The following FCHSD2 variants were observed in gnomAD, a reference collection of about 807,000 sequenced individuals.
The protein encoded by FCHSD2 is FCH and double SH3 domains 2.
A neutral mutation model predicts 108.1 loss-of-function variants in FCHSD2; 38 were observed. The ratio of observed to expected loss-of-function variants is 0.35; its 90% CI spans 0.27 to 0.46. The LOEUF (loss-of-function observed/expected upper bound fraction) is 0.46. Ranked by LOEUF, FCHSD2 falls within the 20% of genes least tolerant of loss-of-function variation. The pLI is 1.00. For missense variants in FCHSD2, 751 were observed against 897.8 expected (o/e 0.84, Z 2.09); for synonymous variants, 279 against 314.7 (o/e 0.89, Z 1.20).
At chr11:73,137,177 A>G (rs1302766962) in intron 2 of FCHSD2, among the ~76,000 whole-genome samples, 1 of 152,114 alleles carries the variant, frequency 6.6e-6, no homozygotes, top group Non-Finnish European at 1.5e-5. Flanking sequence ...GCAAGTTTCA[A>G]CTTTTTCAAT....
At chr11:72,939,609 C>CTTTTTTT (rs1194333407) in intron 8 of FCHSD2, among the ~76,000 whole-genome samples, 3 of 65,466 alleles carry the variant, frequency 4.6e-5, no homozygotes, top group Non-Finnish European at 5.6e-5. Context: ...CTTTCTTTTC[C>CTTTTTTT]TTTTTTTTTT....
chr11:72,925,459 G>C (rs1402445523), intron 8 of FCHSD2, among the ~76,000 whole-genome samples: 2 of 152,158 alleles, frequency 1.3e-5, no homozygotes, highest in Non-Finnish European at 2.9e-5. Context: ...CCAGGAGTTT[G>C]AATCTGCAGT....
intron 8 of FCHSD2, among the ~76,000 whole-genome samples, chr11:72,956,235 A>G (rs1375492008): frequency 6.6e-6 from 1 of 152,260 alleles, no homozygotes; most frequent in African/African-American, 2.4e-5. Flanking sequence ...CATAAATGGC[A>G]GAGAATAGAA....
chr11:73,102,176 C>T (rs924966838), intron 2 of FCHSD2, among the ~76,000 whole-genome samples: 15 of 151,898 alleles, frequency 9.9e-5, no homozygotes, highest in South Asian at 2.1e-4. Flanking sequence ...AAATGAGATA[C>T]CACTGAACAC....
At chr11:73,073,722 C>A (rs1565397296) in intron 3 of FCHSD2, among the ~76,000 whole-genome samples, 1 of 152,142 alleles carries the variant, frequency 6.6e-6, no homozygotes, top group Non-Finnish European at 1.5e-5. Context: ...AAAAGTCATT[C>A]TTTTCCAGTT....
At chr11:73,133,869 G>A (rs1188449364) in intron 2 of FCHSD2, among the ~76,000 whole-genome samples, 1 of 150,022 alleles carries the variant, frequency 6.7e-6, no homozygotes, top group Non-Finnish European at 1.5e-5. Context: ...TATAGAGACA[G>A]AAAGTAGATA....
chr11:72,912,377 C>CT (rs1855782257), intron 9 of FCHSD2, among the ~76,000 whole-genome samples: 1 of 152,264 alleles, frequency 6.6e-6, no homozygotes, highest in East Asian at 1.9e-4. Flanking sequence ...TTATCAAATG[C>CT]TTTTTCAGTA....
At chr11:72,846,820 C>G (rs556180687) in intron 14 of FCHSD2, among the ~76,000 whole-genome samples, 1 of 152,054 alleles carries the variant, frequency 6.6e-6, no homozygotes, top group African/African-American at 2.4e-5. Flanking sequence ...TGAGCTCTTA[C>G]GGTACATACA....
chr11:73,101,315 T>C (rs1860219472), intron 2 of FCHSD2, among the ~76,000 whole-genome samples: 1 of 152,198 alleles, frequency 6.6e-6, no homozygotes, highest in Non-Finnish European at 1.5e-5. Flanking sequence ...ATCTGTAGAA[T>C]GTTAAGGTTA....
chr11:72,958,595 A>T (rs747655994), intron 8 of FCHSD2, among the ~76,000 whole-genome samples: 24 of 152,164 alleles, frequency 1.6e-4, no homozygotes, highest in Non-Finnish European at 2.9e-4. Flanking sequence ...ACAAAATCTA[A>T]TAAGTGAGTA....
chr11:72,928,217 G>T (rs1274879758), intron 8 of FCHSD2, among the ~76,000 whole-genome samples: 1 of 151,042 alleles, frequency 6.6e-6, no homozygotes, highest in Non-Finnish European at 1.5e-5. Flanking sequence ...AAAGCATAAA[G>T]AAAACCTGAA....
rs188908941 is a variant in FCHSD2, at chr11:73,066,828, A to G, written c.165+16867T>C. ...GAATGGCGATCATTAAAAAGTCAGGAAACAACAGATGCTGGAGAGGATGTG... is the reference window on the plus strand; with the variant it reads ...GAATGGCGATCATTAAAAAGTCAGGGAACAACAGATGCTGGAGAGGATGTG... On this transcript the variant is annotated intron_variant, in intron 3 of 19. Coordinates refer to ENST00000409418, the MANE Select transcript of FCHSD2 (RefSeq NM_014824.3). 2.3e-3 allele frequency among the ~76,000 whole-genome samples: 351 copies of G among 152,286 alleles called. 1 individual carries two copies. The highest frequency in any genetic ancestry group is 8.1e-3 in the African/African-American group (337 of 41,550).
chr11:72,878,230 G>C (rs1027909106), intron 12 of FCHSD2, among the ~76,000 whole-genome samples: 1 of 152,142 alleles, frequency 6.6e-6, no homozygotes, highest in Non-Finnish European at 1.5e-5. Flanking sequence ...AGTACACTAT[G>C]ATTGTGCCTG....
intron 3 of FCHSD2, among the ~76,000 whole-genome samples, chr11:73,075,796 G>GAA (rs567899906): frequency 7.1e-6 from 1 of 141,578 alleles, no homozygotes; most frequent in South Asian, 2.2e-4. Context: ...TGTCTCAAAA[G>GAA]AAAAAAAAAA....
At chr11:73,088,009 AG>A (rs1859864043) in intron 2 of FCHSD2, among the ~76,000 whole-genome samples, 1 of 152,144 alleles carries the variant, frequency 6.6e-6, no homozygotes. Context: ...CCTCTTAAAT[AG>A]CTAGGACTAC....
chr11:72,932,010 TA>T, intron 8 of FCHSD2, among the ~76,000 whole-genome samples: 1 of 152,346 alleles, frequency 6.6e-6, no homozygotes, highest in Non-Finnish European at 1.5e-5. Flanking sequence ...AATTGCCTCT[TA>T]GACTGAATCA....
At chr11:72,987,613 T>G (rs976879697) in intron 6 of FCHSD2, among the ~76,000 whole-genome samples, 7 of 152,296 alleles carry the variant, frequency 4.6e-5, no homozygotes, top group African/African-American at 1.7e-4. Context: ...CCCTCTGAAT[T>G]TGGGTCATGT....
In FCHSD2 at chr11:72,850,203, C is replaced by G. The variant is rs997652963; in HGVS notation, c.1309-314G>C. Among the ~76,000 whole-genome samples the G allele has an allele frequency of 3.3e-5, 5 of 151,754 alleles. No individual in the cohort carries two copies. The East Asian group carries it at 9.7e-4, about 29-fold the overall frequency. On this transcript the variant is annotated intron_variant, in intron 13 of 19. Coordinates refer to ENST00000409418, the MANE Select transcript of FCHSD2 (RefSeq NM_014824.3). ...TCAGTCTCCCGAATAGCTGGGATTA[C>G]AGGCACCCACCACCACACCTGGCTA... is the stretch of plus-strand genomic sequence containing the variant.
At chr11:72,929,430 T>TA (rs1331924899) in intron 8 of FCHSD2, among the ~76,000 whole-genome samples, 1 of 152,194 alleles carries the variant, frequency 6.6e-6, no homozygotes, top group African/African-American at 2.4e-5. Flanking sequence ...TTCTGGTGGG[T>TA]AAGATAGCTG....
Sources: allele counts gnomAD v4.1 joint callset (sites outside exome capture counted in the v4.1 genomes callset), GRCh38; gene constraint gnomAD v4.1.1; transcripts MANE v1.5; gene names NCBI Gene and HGNC (gene_info 2026-07-23, HGNC 2026-07-21).